The following TANC2 variants were observed in gnomAD, a reference collection of about 807,000 sequenced individuals.
TANC2 encodes tetratricopeptide repeat, ankyrin repeat and coiled-coil containing 2.
Under a neutral mutation model 210.5 loss-of-function variants are expected in TANC2, and 26 were observed. The ratio of observed to expected loss-of-function variants is 0.12; its 90% confidence interval spans 0.09 to 0.17. The LOEUF (loss-of-function observed/expected upper bound fraction) is 0.17. TANC2 is among the 10% of genes least tolerant of loss of function. The pLI, the probability that TANC2 is intolerant of heterozygous loss-of-function variation, is 1.00. For synonymous variants in TANC2, 931 were observed against 967.1 expected (o/e 0.96, Z 0.69); for missense variants, 2,129 against 2,608.9 (o/e 0.82, Z 4.01).
At chr17:63,402,362 C>T (rs529608088) in intron 19 of TANC2, among the ~76,000 whole-genome samples, 7 of 152,276 alleles carry the variant, frequency 4.6e-5, no homozygotes, top group Admixed American at 6.5e-5. Context: ...TTAACATATT[C>T]GTCTGTTTCC....
At chr17:63,283,011 C>T (rs977261234) in intron 9 of TANC2, among the ~76,000 whole-genome samples, 4 of 151,872 alleles carry the variant, frequency 2.6e-5, no homozygotes, top group Non-Finnish European at 4.4e-5. Flanking sequence ...CTTTTAGTGT[C>T]GTGTTTAAGA....
At chr17:63,328,376 A>ATGTG (rs61546119) in intron 11 of TANC2, among the ~76,000 whole-genome samples, 11,463 of 147,070 alleles carry the variant, frequency 0.078, 1,245 homozygotes, top group African/African-American at 0.25. Flanking sequence ...GTATGTGTAT[A>ATGTG]TGTGTGTGTG....
At chr17:63,203,400 C>T (rs1366868352) in intron 7 of TANC2, among the ~76,000 whole-genome samples, 1 of 151,982 alleles carries the variant, frequency 6.6e-6, no homozygotes, top group Non-Finnish European at 1.5e-5. Context: ...GATACTATTC[C>T]CTGTGCCATA....
At chr17:63,333,599 T>C (rs2045929884) in intron 11 of TANC2, among the ~76,000 whole-genome samples, 1 of 152,244 alleles carries the variant, frequency 6.6e-6, no homozygotes, top group Admixed American at 6.5e-5. Flanking sequence ...ATATTACATA[T>C]ACTTCGTTGA....
rs1161183795 is a variant in TANC2 at position 63,420,356 on chromosome 17, A to C, written c.4626A>C (p.Ser1542=). The C allele has an allele frequency of 6.2e-7, 1 of 1,613,394 alleles. No homozygotes were observed. The highest frequency in any genetic ancestry group is 1.1e-5 in the South Asian group (1 of 91,054). Residue 1542 remains serine, a synonymous_variant, in exon 28 of 28, where the codon TCA becomes TCC. Coordinates refer to ENST00000689528, the Ensembl canonical transcript of TANC2. The surrounding 1 kb of genome is among the most constrained non-coding windows in gnomAD (Gnocchi z 4.2). ...GGGACTCAGCCTACATCTCCAGCTCACCTCTTGGCTCTCATCAGGTTTTTG... is the reference window on the plus strand; with the variant it reads ...GGGACTCAGCCTACATCTCCAGCTCCCCTCTTGGCTCTCATCAGGTTTTTG...
chr17:63,185,252 G>A (rs1024550047), intron 5 of TANC2, among the ~76,000 whole-genome samples: 3 of 151,938 alleles, frequency 2.0e-5, no homozygotes, highest in Non-Finnish European at 4.4e-5. Context: ...CACCACACCC[G>A]GCTAGTTTTT....
intron 17 of TANC2, chr17:63,389,919 C>G (rs1377794276): frequency 3.7e-6 from 1 of 267,616 alleles, no homozygotes; most frequent in Non-Finnish European, 7.3e-6. Flanking sequence ...CACCTGCAGG[C>G]TCTAAGCCTT....
chr17:63,334,957 TG>T (rs1045972865), intron 11 of TANC2, among the ~76,000 whole-genome samples: 1 of 151,548 alleles, frequency 6.6e-6, no homozygotes, highest in Non-Finnish European at 1.5e-5. Flanking sequence ...GAGCAGGAGG[TG>T]GGTTGGGGAG....
chr17:63,088,844 C>T (rs192719139), intron 3 of TANC2: 1 of 152,192 alleles, frequency 6.6e-6, no homozygotes, highest in Non-Finnish European at 1.5e-5. Flanking sequence ...TCCCATGTCT[C>T]TGAAGGGAAT....
In TANC2 at chr17:63,162,311, A is replaced by AC. The variant is rs1482831165; in HGVS notation, c.433+10931_433+10932insC. ...GAACAAGACCCTGTCTGGAAAAAAA[A>AC]AAAACAAAACTGAGGGTTTAAAAGT... is the stretch of plus-strand genomic sequence containing the variant. On this transcript the variant is annotated intron_variant, in intron 5 of 27. Transcript: ENST00000689528. 1.6e-4 allele frequency among the ~76,000 whole-genome samples: 24 copies of AC among 152,040 alleles called. 1 individual carries two copies. The highest frequency in any genetic ancestry group is 8.3e-4 in the South Asian group (4 of 4,818).
At chr17:63,233,697 T>C (rs552701763) in intron 7 of TANC2, among the ~76,000 whole-genome samples, 5 of 152,360 alleles carry the variant, frequency 3.3e-5, no homozygotes, top group African/African-American at 1.2e-4. Context: ...TGTTGTTTTT[T>C]AGAGAGCCAA....
chr17:63,164,738 C>T (rs1403986330), intron 5 of TANC2, among the ~76,000 whole-genome samples: 5 of 152,132 alleles, frequency 3.3e-5, no homozygotes, highest in Non-Finnish European at 7.3e-5. Context: ...CACCAATGTC[C>T]AAGAGCAAGA....
At chr17:63,376,912 G>A (rs2047443212) in intron 14 of TANC2, among the ~76,000 whole-genome samples, 1 of 151,402 alleles carries the variant, frequency 6.6e-6, no homozygotes, top group African/African-American at 2.4e-5. Context: ...CCGCCTCCCA[G>A]GTTCATGCCA....
intron 4 of TANC2, among the ~76,000 whole-genome samples, chr17:63,116,316 A>G (rs1183859380): frequency 6.6e-6 from 1 of 152,222 alleles, no homozygotes; most frequent in African/African-American, 2.4e-5. Context: ...TACCATTACG[A>G]CAATTCTATG....
At chr17:63,040,731 GAGAT>G (rs999276696) in intron 2 of TANC2, among the ~76,000 whole-genome samples, 17 of 152,148 alleles carry the variant, frequency 1.1e-4, no homozygotes, top group African/African-American at 3.9e-4. Flanking sequence ...ATGGCAGAGA[GAGAT>G]AGAGAATATG....
At chr17:62,980,837 T>C (rs1030370807) in intron 1 of TANC2, among the ~76,000 whole-genome samples, 6 of 152,200 alleles carry the variant, frequency 3.9e-5, no homozygotes, top group African/African-American at 1.2e-4. Flanking sequence ...ACTTTCTCAT[T>C]TGCCACCTTT....
chr17:63,323,812 G>A (rs1014787575), intron 11 of TANC2, among the ~76,000 whole-genome samples: 6 of 152,178 alleles, frequency 3.9e-5, no homozygotes, highest in African/African-American at 1.2e-4. Context: ...TTCAGAGTCA[G>A]TATCCTCCCC....
intron 2 of TANC2, among the ~76,000 whole-genome samples, chr17:63,030,764 A>G (rs2034736972): frequency 6.6e-6 from 1 of 152,138 alleles, no homozygotes; most frequent in Admixed American, 6.6e-5. Flanking sequence ...GCGTTCTTTT[A>G]GCATGAAATA....
At chr17:63,303,017 C>T (rs1437563451) in intron 9 of TANC2, among the ~76,000 whole-genome samples, 1 of 152,134 alleles carries the variant, frequency 6.6e-6, no homozygotes, top group Non-Finnish European at 1.5e-5. Context: ...CTGCCTCAGC[C>T]TCCTAAAGTG....
Sources: allele counts gnomAD v4.1 joint callset (sites outside exome capture counted in the v4.1 genomes callset), GRCh38; gene constraint gnomAD v4.1.1; non-coding constraint Gnocchi (gnomAD v3.1); transcripts MANE v1.5; gene names NCBI Gene and HGNC (gene_info 2026-07-23, HGNC 2026-07-21).